The following PALM2AKAP2 variants were observed in gnomAD, a reference collection of about 807,000 sequenced individuals.
PALM2AKAP2 encodes the protein PALM2 and AKAP2 fusion.
A neutral mutation model predicts 71.5 loss-of-function variants in PALM2AKAP2; 37 were observed. That is an observed-to-expected ratio of 0.52 (90% CI 0.40 to 0.68). The LOEUF (loss-of-function observed/expected upper bound fraction) is 0.68. Among genes scored for constraint, PALM2AKAP2 ranks in the 30% least tolerant of loss-of-function variants. PALM2AKAP2 has a pLI of 0.00. For synonymous variants in PALM2AKAP2, 468 were observed against 478.8 expected, an observed-to-expected ratio of 0.98 and a Z score of 0.29; for missense variants, 1,224 against 1,191.8, an observed-to-expected ratio of 1.03 and a Z score of -0.40.
At chr9:109,874,811 C>T (rs1829683200) in intron 2 of PALM2AKAP2, among the ~76,000 whole-genome samples, 1 of 152,186 alleles carries the variant, frequency 6.6e-6, no homozygotes, top group Non-Finnish European at 1.5e-5. Flanking sequence ...CTATGCATTG[C>T]CCTAATCCTT....
At chr9:109,829,121 A>G (rs1438378255) in intron 1 of PALM2AKAP2, among the ~76,000 whole-genome samples, 2 of 152,272 alleles carry the variant, frequency 1.3e-5, no homozygotes, top group African/African-American at 2.4e-5. Context: ...ACTTATTTAA[A>G]TAATTTTTAA....
At chr9:109,665,745 A>C (rs1827472474) in intron 1 of PALM2AKAP2, among the ~76,000 whole-genome samples, 1 of 152,202 alleles carries the variant, frequency 6.6e-6, no homozygotes, top group Non-Finnish European at 1.5e-5. Context: ...TGGGACGTTT[A>C]AATCTGCAGA....
At chr9:110,029,318 G>A (rs1482910115) in intron 7 of PALM2AKAP2, among the ~76,000 whole-genome samples, 1 of 152,072 alleles carries the variant, frequency 6.6e-6, no homozygotes, top group East Asian at 1.9e-4. Context: ...TTCATTTTCT[G>A]CAGATAGCTT....
intron 1 of PALM2AKAP2, among the ~76,000 whole-genome samples, chr9:109,830,541 A>G (rs1214218963): frequency 6.6e-6 from 1 of 152,196 alleles, no homozygotes; most frequent in East Asian, 1.9e-4. Context: ...GAAAAAACCT[A>G]TTGAGGAAAA....
At chr9:110,060,224 T>G (rs1321018094) in intron 1 of PALM2AKAP2, among the ~76,000 whole-genome samples, 1 of 152,014 alleles carries the variant, frequency 6.6e-6, no homozygotes, top group African/African-American at 2.4e-5. Context: ...GCGATTCTGT[T>G]GGCTTGGCCT....
chr9:109,955,548 T>C (rs1296127158), intron 6 of PALM2AKAP2, among the ~76,000 whole-genome samples: 4 of 152,206 alleles, frequency 2.6e-5, no homozygotes, highest in African/African-American at 9.6e-5. Flanking sequence ...CTTATTTAAA[T>C]TGAAATGTGA....
intron 1 of PALM2AKAP2, among the ~76,000 whole-genome samples, chr9:109,792,792 A>C (rs527932405): frequency 6.6e-6 from 1 of 152,062 alleles, no homozygotes; most frequent in Non-Finnish European, 1.5e-5. Flanking sequence ...ACTATCCCCT[A>C]CTAGGGTTGT....
At chr9:109,909,911 C>A (rs756339964) in intron 3 of PALM2AKAP2, among the ~76,000 whole-genome samples, 5 of 152,144 alleles carry the variant, frequency 3.3e-5, no homozygotes, top group Admixed American at 6.5e-5. Context: ...TGAGCTTTAG[C>A]AGAGAGCCCA....
chr9:109,828,007 CCTGTGTG>C (rs369068410), intron 1 of PALM2AKAP2, among the ~76,000 whole-genome samples: 5 of 152,258 alleles, frequency 3.3e-5, no homozygotes, highest in African/African-American at 7.2e-5. Context: ...TACCTGCCTA[CCTGTGTG>C]CTGTGTGCTG....
intron 1 of PALM2AKAP2, among the ~76,000 whole-genome samples, chr9:109,757,900 C>G (rs1256014304): frequency 6.6e-6 from 1 of 151,746 alleles, no homozygotes; most frequent in African/African-American, 2.4e-5. Flanking sequence ...TTTTTCTTTA[C>G]TTTCAAGAAG....
chr9:110,026,428 AT>A (rs940358391), intron 7 of PALM2AKAP2, among the ~76,000 whole-genome samples: 2 of 151,778 alleles, frequency 1.3e-5, no homozygotes, highest in African/African-American at 4.8e-5. Context: ...TTTTTCTTTA[AT>A]TTTTTTATTA....
intron 1 of PALM2AKAP2, among the ~76,000 whole-genome samples, chr9:110,113,243 C>CTT (rs55734110): frequency 7.2e-6 from 1 of 139,718 alleles, no homozygotes; most frequent in South Asian, 2.3e-4. Flanking sequence ...TTGTTTTTTT[C>CTT]TTTTTTTTTT....
chr9:109,903,792 ATTTTT>A (rs759047872), intron 3 of PALM2AKAP2, among the ~76,000 whole-genome samples: 1 of 141,202 alleles, frequency 7.1e-6, no homozygotes. Context: ...GATTTTCTGG[ATTTTT>A]TTTTTTTTTT....
chr9:109,998,779 A>AAAG (rs2132266790), intron 6 of PALM2AKAP2, among the ~76,000 whole-genome samples: 1 of 150,834 alleles, frequency 6.6e-6, no homozygotes, highest in Non-Finnish European at 1.5e-5. Flanking sequence ...AAAAAAAAAA[A>AAAG]AAAGGGGGGA....
intron 1 of PALM2AKAP2, among the ~76,000 whole-genome samples, chr9:109,808,722 C>T (rs189817548): frequency 1.7e-3 from 254 of 152,336 alleles, no homozygotes; most frequent in Non-Finnish European, 2.9e-3. Flanking sequence ...AAAATATCTC[C>T]ACGGCATGTC....
At chr9:109,771,104 A>G (rs535851644) in intron 1 of PALM2AKAP2, among the ~76,000 whole-genome samples, 1 of 152,352 alleles carries the variant, frequency 6.6e-6, no homozygotes, top group South Asian at 2.1e-4. Flanking sequence ...TGGGACACCA[A>G]TTAATCTGAC....
rs71373959 is a variant in PALM2AKAP2, at chr9:110,038,935, C to CAAAAAAA, written c.582+22907_582+22913dup. Among the ~76,000 whole-genome samples the CAAAAAAA allele has an allele frequency of 2.7e-4, 21 of 78,370 alleles. 5 individuals carry two copies. The highest frequency in any genetic ancestry group is 1.1e-3 in the East Asian group (3 of 2,710). 51.4% of individuals were successfully genotyped at this position (78,370 alleles called of 152,430 possible). A position where few individuals can be genotyped will look rare whatever the true frequency, so the allele number is the denominator to read the frequency against. On this transcript the variant is annotated intron_variant, in intron 7 of 9. Transcript: ENST00000302798. ...TGGCAACAAGAGCAAAACTCGGTCT[C>CAAAAAAA]AAAAAAAAAAAAAAAAATTATTGTC...
At chr9:109,960,367 A>C (rs1376906804) in intron 6 of PALM2AKAP2, among the ~76,000 whole-genome samples, 1 of 152,220 alleles carries the variant, frequency 6.6e-6, no homozygotes, top group Non-Finnish European at 1.5e-5. Flanking sequence ...CATTGGATAA[A>C]ATACTAATTT....
At chr9:109,907,998 T>C (rs1830487000) in intron 3 of PALM2AKAP2, among the ~76,000 whole-genome samples, 1 of 152,220 alleles carries the variant, frequency 6.6e-6, no homozygotes, top group Non-Finnish European at 1.5e-5. Context: ...GTGCTGTTTA[T>C]TCTTTGGTGT....
Sources: allele counts gnomAD v4.1 joint callset (sites outside exome capture counted in the v4.1 genomes callset), GRCh38; gene constraint gnomAD v4.1.1; transcripts MANE v1.5; gene names NCBI Gene and HGNC (gene_info 2026-07-23, HGNC 2026-07-21).